Variants in EFHB observed in about 807,000 individuals in gnomAD.
EFHB encodes EF-hand domain-containing family member B.
Under a neutral mutation model 87.2 loss-of-function variants are expected in EFHB, and 91 were observed. That is an observed-to-expected ratio of 1.04 (90% CI 0.88 to 1.24). The LOEUF is 1.24. Among genes scored for constraint, EFHB ranks in the 50% most tolerant of loss-of-function variants. The pLI is 0.00. For missense variants in EFHB, 1,084 were observed against 998.8 expected (o/e 1.09, Z -1.15); for synonymous variants, 325 against 333.6 (o/e 0.97, Z 0.28).
chr3:19,905,804 T>C (rs2929377), intron 5 of EFHB, 55 bp from the exon 6 acceptor site: 610,749 of 1,529,604 alleles, frequency 0.4, 125,498 homozygotes, highest in African/African-American at 0.45. Flanking sequence ...AACCTTATCA[T>C]GCAAGATGCA....
intron 11 of EFHB, among the ~76,000 whole-genome samples, chr3:19,883,292 T>C (rs1243069426): frequency 1.3e-5 from 2 of 152,214 alleles, no homozygotes. Context: ...TGAGCCACCA[T>C]GCCCAGCCTG....
chr3:19,905,826 C>T, intron 5 of EFHB, 77 bp from the exon 6 acceptor site: 1 of 1,478,132 alleles, frequency 6.8e-7, no homozygotes, highest in Non-Finnish European at 9.1e-7. Flanking sequence ...ACTATGTTCT[C>T]ATTGACATTG....
rs1559459599 is a variant in EFHB at position 19,908,583 on chromosome 3, AGAGAGAG to A, written c.1289-2841_1289-2835del. Among the ~76,000 whole-genome samples, 197 of 125,624 alleles carry A rather than the reference AGAGAGAG, an allele frequency of 1.6e-3. 3 individuals are homozygous for A. Among genetic ancestry groups the A allele is most frequent in the Middle Eastern group, 0.011 (3 of 276 alleles). 82.4% of individuals were successfully genotyped at this position (125,624 alleles called of 152,430 possible). A position where few individuals can be genotyped will look rare whatever the true frequency, so the allele number is the denominator to read the frequency against. On this transcript the variant is annotated intron_variant, in intron 5 of 12. Transcript: ENST00000295824. ...GAGAAAGAGAGAGAGAGAGAGAGAG[AGAGAGAG>A]AGAGAGAGAGAAAGAAAGAAAGAAA... is the stretch of plus-strand genomic sequence containing the variant.
upstream of EFHB, among the ~76,000 whole-genome samples, chr3:19,934,514 C>T (rs890495475): frequency 6.6e-6 from 1 of 151,754 alleles, no homozygotes; most frequent in East Asian, 1.9e-4. Context: ...CCTCCCTCCC[C>T]CTCTTCCCCT....
Position 19,891,145 on chromosome 3 carries a change from C to T in EFHB, c.1726-2494G>A, listed in dbSNP as rs1389723856. On this transcript the variant is annotated intron_variant, in intron 9 of 12. Transcript: ENST00000295824. Reference sequence around the variant, plus strand: ...GCAGTGGCACAATCATAGTTCACTGCAGCCTCAAACTCCTGGGCTCAGGTG... The same window carrying T: ...GCAGTGGCACAATCATAGTTCACTGTAGCCTCAAACTCCTGGGCTCAGGTG... Among the ~76,000 whole-genome samples the T allele has an allele frequency of 2.0e-5, 3 of 152,272 alleles. No individual in the cohort carries two copies. The East Asian group carries it at 5.8e-4, about 29-fold the overall frequency.
At chr3:19,941,815 C>T (rs978249328) in intron 1 of EFHB, among the ~76,000 whole-genome samples, 2 of 150,192 alleles carry the variant, frequency 1.3e-5, no homozygotes, top group Non-Finnish European at 2.9e-5. Flanking sequence ...CAAGATTGCG[C>T]CACTGCACTC....
chr3:19,911,747 G>GAAAAAA (rs1342926189), intron 5 of EFHB, among the ~76,000 whole-genome samples: 1 of 151,532 alleles, frequency 6.6e-6, no homozygotes, highest in South Asian at 2.1e-4. Context: ...GAAGACAAAA[G>GAAAAAA]AAAAAAAATT....
At chr3:19,930,431 G>C (rs1449821138) in intron 1 of EFHB, among the ~76,000 whole-genome samples, 1 of 151,846 alleles carries the variant, frequency 6.6e-6, no homozygotes, top group Non-Finnish European at 1.5e-5. Flanking sequence ...TTTCTAAGTG[G>C]AATATTTACT....
intron 1 of EFHB, among the ~76,000 whole-genome samples, chr3:19,923,223 C>T (rs377637576): frequency 2.6e-5 from 4 of 151,416 alleles, no homozygotes; most frequent in Non-Finnish European, 5.9e-5. Context: ...GCCGAGATTG[C>T]GCCACTGCAC....
chr3:19,903,371 T>C (rs1382128346), intron 6 of EFHB, among the ~76,000 whole-genome samples: 6 of 152,136 alleles, frequency 3.9e-5, no homozygotes, highest in African/African-American at 1.2e-4. Flanking sequence ...GAGGACCACA[T>C]TGTTGTTAAT....
chr3:19,940,622 C>T (rs781475515), intron 1 of EFHB: 5 of 434,244 alleles, frequency 1.2e-5, no homozygotes, highest in African/African-American at 2.0e-5. Context: ...TATTCAGCCT[C>T]CTGGACCACA....
At chr3:19,923,994 G>A (rs1266439240) in intron 1 of EFHB, among the ~76,000 whole-genome samples, 1 of 152,136 alleles carries the variant, frequency 6.6e-6, no homozygotes, top group African/African-American at 2.4e-5. Context: ...CACTTTGGGA[G>A]GCTGAGGCAG....
intron 5 of EFHB, among the ~76,000 whole-genome samples, chr3:19,908,572 G>C (rs973419898): frequency 1.4e-5 from 1 of 70,838 alleles, no homozygotes; most frequent in Non-Finnish European, 3.0e-5. Context: ...AAGAGAGAGA[G>C]AGAGAGAGAG....
intron 12 of EFHB, among the ~76,000 whole-genome samples, chr3:19,880,886 A>C (rs549796919): frequency 1.3e-5 from 2 of 152,230 alleles, no homozygotes; most frequent in Non-Finnish European, 1.5e-5. Flanking sequence ...TAAATTTAAA[A>C]GAAGCATTTA....
intron 9 of EFHB, among the ~76,000 whole-genome samples, chr3:19,889,132 G>T (rs1291730423): frequency 6.6e-6 from 1 of 152,234 alleles, no homozygotes; most frequent in Non-Finnish European, 1.5e-5. Flanking sequence ...GGTAAGTAGG[G>T]GGAGGAGGGT....
chr3:19,934,331 CCCCTCT>C, upstream of EFHB: 2 of 1,110,460 alleles, frequency 1.8e-6, no homozygotes, highest in Non-Finnish European at 2.3e-6. Flanking sequence ...CTCTCTCTCT[CCCCTCT>C]TCTCTCTCCT....
intron 9 of EFHB, 66 bp from the exon 10 acceptor site, chr3:19,888,717 AT>A: frequency 1.5e-6 from 2 of 1,304,030 alleles, no homozygotes; most frequent in Non-Finnish European, 2.1e-6. Flanking sequence ...AGGCAACATT[AT>A]TTAGTTTAAG....
chr3:19,915,453 T>C, intron 4 of EFHB, 40 bp from the exon 5 acceptor site: 1 of 1,349,842 alleles, frequency 7.4e-7, no homozygotes, highest in Non-Finnish European at 1.0e-6. Context: ...AAGTCACTTT[T>C]TAACCTATTT....
At chr3:19,885,681 G>A (rs1694074660) in intron 10 of EFHB, among the ~76,000 whole-genome samples, 1 of 152,164 alleles carries the variant, frequency 6.6e-6, no homozygotes, top group African/African-American at 2.4e-5. Flanking sequence ...GAGAAGGGTG[G>A]ATACCGTGGC....
Sources: gnomAD v4.1 joint callset for allele counts (sites outside exome capture counted in the v4.1 genomes callset) on GRCh38, gnomAD v4.1.1 for gene constraint, MANE v1.5 for transcripts, NCBI Gene and HGNC (gene_info 2026-07-23, HGNC 2026-07-21) for gene names.